Variants in USP7 observed in about 807,000 individuals in gnomAD.
The protein encoded by USP7 is ubiquitin C-terminal hydrolase 7.
A neutral mutation model predicts 162.9 loss-of-function variants in USP7; 9 were observed. The ratio of observed to expected loss-of-function variants is 0.06; its 90% CI spans 0.03 to 0.10. The LOEUF (loss-of-function observed/expected upper bound fraction) is 0.10, where lower values mean the gene tolerates loss of function less well. USP7 is among the 10% of genes least tolerant of loss of function. The pLI, the probability that USP7 is intolerant of heterozygous loss-of-function variation, is 1.00. For missense variants in USP7, 715 were observed against 1,373.7 expected (o/e 0.52, Z 7.58); for synonymous variants, 562 against 475.9 (o/e 1.18, Z -2.35).
At chr16:8,944,836 T>C (rs555526185) in intron 1 of USP7, among the ~76,000 whole-genome samples, 1 of 152,316 alleles carries the variant, frequency 6.6e-6, no homozygotes, top group East Asian at 1.9e-4. Context: ...CTGGACACAG[T>C]GGCTCATGCC....
chr16:8,959,823 CA>C (rs151108474), intron 1 of USP7, among the ~76,000 whole-genome samples: 2 of 152,086 alleles, frequency 1.3e-5, no homozygotes, highest in African/African-American at 2.4e-5. Context: ...ACCCCCGTAA[CA>C]AAAAACACAG....
At chr16:8,955,379 G>C (rs1009656963) in intron 1 of USP7, among the ~76,000 whole-genome samples, 1 of 152,008 alleles carries the variant, frequency 6.6e-6, no homozygotes, top group African/African-American at 2.4e-5. Flanking sequence ...CAAAGTGCTG[G>C]GATTACAGGC....
intron 1 of USP7, among the ~76,000 whole-genome samples, chr16:8,933,075 G>A (rs926408300): frequency 3.3e-5 from 5 of 151,942 alleles, no homozygotes; most frequent in African/African-American, 9.7e-5. Context: ...CAAATGGCTG[G>A]GATTACAGGT....
At chr16:8,920,261 T>C in intron 5 of USP7, 98 bp downstream of exon 5, 1 of 1,042,388 alleles carries the variant, frequency 9.6e-7, no homozygotes, top group Non-Finnish European at 1.4e-6. Flanking sequence ...GGAGGCTTAC[T>C]GATTAAATAT....
At chr16:8,923,772 T>G (rs1319726949) in intron 2 of USP7, among the ~76,000 whole-genome samples, 1 of 152,190 alleles carries the variant, frequency 6.6e-6, no homozygotes, top group African/African-American at 2.4e-5. Flanking sequence ...GGCTCATATC[T>G]GTTCAAGGAC....
intron 1 of USP7, chr16:8,956,194 T>A (rs1776557539): frequency 6.6e-6 from 1 of 152,204 alleles, no homozygotes; most frequent in Non-Finnish European, 1.5e-5. Flanking sequence ...CTGGATTTTT[T>A]AATCTTCTAT....
chr16:8,922,526 G>C (rs563193146), intron 3 of USP7, among the ~76,000 whole-genome samples: 2 of 152,126 alleles, frequency 1.3e-5, no homozygotes, highest in South Asian at 4.1e-4. Context: ...GCCAGAGTCA[G>C]TTCACTCTGG....
At position 8,894,766 on chromosome 16, in the gene USP7, G is replaced by A. The variant is rs1194491284; in HGVS notation, c.3111+18C>T. 1.2e-6 allele frequency: 2 copies of A among 1,614,254 alleles called. No individual in the cohort carries two copies. Among genetic ancestry groups the A allele is most frequent in the South Asian group, 2.2e-5 (2 of 91,092 alleles). On this transcript the variant is annotated intron_variant, in intron 29 of 30. Coordinates refer to ENST00000344836, the MANE Select transcript of USP7 (RefSeq NM_003470.3). ...AGCCTATGGCCCGCCAAGCCCCCAG[G>A]AGGCCCCAGCTGCACACCTTCTCAA...
At chr16:8,903,221 G>A in intron 16 of USP7, 47 bp downstream of exon 16, 1 of 1,586,254 alleles carries the variant, frequency 6.3e-7, no homozygotes, top group Non-Finnish European at 8.6e-7. Context: ...GAAGGAAGGT[G>A]GACGTTGGGA....
At chr16:8,910,270 T>C (rs991480902) in intron 11 of USP7, among the ~76,000 whole-genome samples, 1 of 152,162 alleles carries the variant, frequency 6.6e-6, no homozygotes, top group Non-Finnish European at 1.5e-5. Flanking sequence ...CCATGCTCAC[T>C]GCTCTCTCAG....
chr16:8,939,739 T>C (rs1267610063), intron 1 of USP7, among the ~76,000 whole-genome samples: 3 of 152,246 alleles, frequency 2.0e-5, no homozygotes, highest in African/African-American at 7.2e-5. Context: ...CATATACTAT[T>C]CACATTACGT....
intron 1 of USP7, chr16:8,962,955 T>C (rs979603675): frequency 2.4e-5 from 5 of 211,172 alleles, no homozygotes; most frequent in Non-Finnish European, 4.7e-5. Context: ...TCAGGGCGCT[T>C]TGTGCCGCGG....
chr16:8,950,643 G>A (rs762842241), intron 1 of USP7, among the ~76,000 whole-genome samples: 1 of 152,190 alleles, frequency 6.6e-6, no homozygotes, highest in Non-Finnish European at 1.5e-5. Context: ...AGCCCTGTCT[G>A]CCACGAACAT....
chr16:8,895,283 C>A, intron 27 of USP7, 133 bp from the exon 28 acceptor site: 1 of 1,390,102 alleles, frequency 7.2e-7, no homozygotes, highest in Non-Finnish European at 9.8e-7. Flanking sequence ...ACACCTGGAT[C>A]CAGCCAGAGT....
Position 8,963,202 on chromosome 16 carries a change from C to T in USP7, c.79+5G>A, listed in dbSNP as rs1472883584. The T allele has an allele frequency of 2.8e-6, 4 of 1,415,714 alleles. No homozygotes were observed. Among genetic ancestry groups the T allele is most frequent in the Non-Finnish European group, 3.7e-6 (4 of 1,075,900 alleles). 87.7% of individuals were successfully genotyped at this position (1,415,714 alleles called of 1,614,324 possible). On this transcript the variant is annotated splice_donor_5th_base_variant and intron_variant, in intron 1 of 30. Transcript: ENST00000344836. Reference sequence around the variant, plus strand: ...GCCCCGCCGCGGCCGGCCCTCGGGCCTCACCTTCCATCTCCATGTCCTCGG... The same window carrying T: ...GCCCCGCCGCGGCCGGCCCTCGGGCTTCACCTTCCATCTCCATGTCCTCGG...
At chr16:8,958,147 G>A (rs1899883152) in intron 1 of USP7, among the ~76,000 whole-genome samples, 1 of 152,192 alleles carries the variant, frequency 6.6e-6, no homozygotes, top group Non-Finnish European at 1.5e-5. Context: ...ACAAGCCAAC[G>A]GTGTAGAAGA....
chr16:8,957,471 A>C (rs933622060), intron 1 of USP7, among the ~76,000 whole-genome samples: 28 of 138,224 alleles, frequency 2.0e-4, no homozygotes, highest in Admixed American at 2.0e-3. Flanking sequence ...GGGCTGGGTG[A>C]GGTGGCTCAC....
intron 25 of USP7, 110 bp downstream of exon 25, chr16:8,898,250 T>C (rs1329432866): frequency 2.1e-6 from 2 of 935,120 alleles, no homozygotes; most frequent in Non-Finnish European, 3.3e-6. Context: ...TCATGTGCTG[T>C]TGTTTAGAGT....
rs767600368 is a variant in USP7 at position 8,930,288 on chromosome 16, C to T, written c.184+5G>A. The T allele has an allele frequency of 1.9e-6, 3 of 1,608,508 alleles. No homozygotes were observed. The highest frequency in any genetic ancestry group is 2.5e-6 in the Non-Finnish European group (3 of 1,177,168). Reference sequence around the variant, plus strand: ...ACTGCGAGGCGGTGAACCACAGGCACTTACCATCCTCCATGTCCTCCTCCG... The same window carrying T: ...ACTGCGAGGCGGTGAACCACAGGCATTTACCATCCTCCATGTCCTCCTCCG... On this transcript the variant is annotated splice_donor_5th_base_variant and intron_variant, in intron 2 of 30. Transcript: ENST00000344836.
Sources: allele counts gnomAD v4.1 joint callset (sites outside exome capture counted in the v4.1 genomes callset), GRCh38; gene constraint gnomAD v4.1.1; transcripts MANE v1.5; gene names NCBI Gene and HGNC (gene_info 2026-07-23, HGNC 2026-07-21).